Variants in GOLGA4 observed in about 807,000 individuals in gnomAD.
The protein encoded by GOLGA4 is golgin A4.
A neutral mutation model predicts 265.9 loss-of-function variants in GOLGA4; 169 were observed. That is an observed-to-expected ratio of 0.64 (90% CI 0.56 to 0.72). The LOEUF is 0.72. Among genes scored for constraint, GOLGA4 ranks in the 30% least tolerant of loss-of-function variants. GOLGA4 has a pLI of 0.00. For missense variants in GOLGA4, 2,482 were observed against 2,483.4 expected (o/e 1.00, Z 0.01); for synonymous variants, 923 against 855.8 (o/e 1.08, Z -1.37).
In GOLGA4 at chr3:37,363,066, G is replaced by A. The variant is rs112366359; in HGVS notation, c.*33+1761G>A. ...CAAAGTGCTGGGATTACAGGCGTGA[G>A]CCACTGTGCCTGGCCCTCTAAGCTT... On this transcript the variant is annotated intron_variant, in intron 23 of 23. Coordinates refer to ENST00000361924, the MANE Select transcript of GOLGA4 (RefSeq NM_002078.5). Among the ~76,000 whole-genome samples the A allele has an allele frequency of 2.9e-3, 438 of 152,200 alleles. 5 individuals are homozygous for A. Among genetic ancestry groups the A allele is most frequent in the African/African-American group, 9.6e-3 (400 of 41,526 alleles).
At chr3:37,337,565 A>C in intron 18 of GOLGA4, 101 bp from the exon 19 acceptor site, 1 of 761,166 alleles carries the variant, frequency 1.3e-6, no homozygotes, top group South Asian at 1.5e-5. Context: ...TTATAAGTTA[A>C]AACTTAAAAA....
chr3:37,355,164 G>T lies in GOLGA4; in HGVS notation c.6640G>T (p.Glu2214Ter). ...FPDDQTQKIL[E>*]REDARLMFTS... ...TGATGATCAGACTCAGAAAATTTTGGAAAGAGAAGATGCTCGGCTGATGGT... is the reference window on the plus strand; with the variant it reads ...TGATGATCAGACTCAGAAAATTTTGTAAAGAGAAGATGCTCGGCTGATGGT... The change falls in exon 22 of 24, where the codon GAA becomes TAA. Residue 2214 changes from glutamate to a stop codon, truncating the protein, a stop_gained. Coordinates refer to ENST00000361924, the MANE Select transcript of GOLGA4 (RefSeq NM_002078.5). LOFTEE classifies it high-confidence loss of function. 6.2e-7 allele frequency: 1 copy of T among 1,600,688 alleles called. No individual in the cohort carries two copies. Among genetic ancestry groups the T allele is most frequent in the Non-Finnish European group, 8.6e-7 (1 of 1,168,050 alleles).
At chr3:37,253,744 C>G (rs889912177) in intron 2 of GOLGA4, among the ~76,000 whole-genome samples, 1 of 151,812 alleles carries the variant, frequency 6.6e-6, no homozygotes, top group African/African-American at 2.4e-5. Context: ...AGCAGTCAGC[C>G]GGGCATGGTG....
At chr3:37,270,384 A>C (rs1272035039) in intron 2 of GOLGA4, among the ~76,000 whole-genome samples, 2 of 149,328 alleles carry the variant, frequency 1.3e-5, no homozygotes, top group Admixed American at 1.3e-4. Flanking sequence ...AGAAAATATA[A>C]TTTTTATATT....
intron 7 of GOLGA4, 134 bp downstream of exon 7, chr3:37,296,353 C>A: frequency 1.3e-6 from 1 of 772,348 alleles, no homozygotes; most frequent in Non-Finnish European, 2.1e-6. Flanking sequence ...TGAGACCAGC[C>A]TGGGCAACAT....
intron 11 of GOLGA4, among the ~76,000 whole-genome samples, chr3:37,317,239 G>A (rs1258238779): frequency 1.3e-5 from 2 of 151,940 alleles, no homozygotes; most frequent in East Asian, 1.9e-4. Flanking sequence ...TTGTGATCTC[G>A]GTTCACTGCA....
intron 1 of GOLGA4, among the ~76,000 whole-genome samples, chr3:37,245,051 A>G (rs1016733902): frequency 1.3e-5 from 2 of 152,200 alleles, no homozygotes; most frequent in Non-Finnish European, 2.9e-5. Context: ...TGTATTAAAG[A>G]TTTAGCTCTA....
At position 37,321,884 on chromosome 3, in the gene GOLGA4, A is replaced by G; in HGVS notation, c.1699A>G (p.Thr567Ala). The G allele has an allele frequency of 1.3e-6, 2 of 1,589,594 alleles. No homozygotes were observed. Among genetic ancestry groups the G allele is most frequent in the Non-Finnish European group, 1.7e-6 (2 of 1,171,584 alleles). The change falls in exon 13 of 24, where the codon ACT (threonine) becomes GCT (alanine). Residue 567 changes from threonine (T) to alanine (A), a missense_variant and splice_region_variant. Coordinates refer to ENST00000361924, the MANE Select transcript of GOLGA4 (RefSeq NM_002078.5). ...DLQQEAETYR[T>A]RILELESSLE... is the part of the protein sequence containing the mutation. ...TCAGCAAGAAGCAGAGACTTACAGA[A>G]CTGTAAGTTTTAATAATATTCAGAT...
chr3:37,338,639 AT>A (rs1258995285), intron 19 of GOLGA4, among the ~76,000 whole-genome samples: 2 of 152,106 alleles, frequency 1.3e-5, no homozygotes, highest in Non-Finnish European at 2.9e-5. Flanking sequence ...GTTCATTGAC[AT>A]TTAGTTCATT....
chr3:37,255,249 C>G (rs1468343330), intron 2 of GOLGA4, among the ~76,000 whole-genome samples: 1 of 152,082 alleles, frequency 6.6e-6, no homozygotes, highest in Admixed American at 6.5e-5. Flanking sequence ...CAACCTCCAC[C>G]TCCCGGGTTC....
At chr3:37,335,776 C>G (rs1460586049) in intron 17 of GOLGA4, among the ~76,000 whole-genome samples, 1 of 149,028 alleles carries the variant, frequency 6.7e-6, no homozygotes, top group Non-Finnish European at 1.5e-5. Flanking sequence ...TTTTTAAGTC[C>G]TAATCCTTAA....
chr3:37,305,481 G>A (rs1310309598), intron 10 of GOLGA4, among the ~76,000 whole-genome samples: 5 of 152,098 alleles, frequency 3.3e-5, no homozygotes, highest in Non-Finnish European at 7.4e-5. Flanking sequence ...GTGATTCTTA[G>A]TTCAAATGTA....
At chr3:37,354,216 C>G (rs968698747) in intron 21 of GOLGA4, among the ~76,000 whole-genome samples, 2 of 152,020 alleles carry the variant, frequency 1.3e-5, no homozygotes, top group Non-Finnish European at 2.9e-5. Flanking sequence ...CTTCTCCCTT[C>G]CCCCATATGC....
Position 37,327,293 on chromosome 3 carries a change from GA to G in GOLGA4, c.5414del (p.Asn1805ThrfsTer6). The G allele has an allele frequency of 3.7e-6, 6 of 1,613,402 alleles. No individual in the cohort carries two copies. The highest frequency in any genetic ancestry group is 5.1e-6 in the Non-Finnish European group (6 of 1,179,638). ...MIGHLQEELE[E>X]KNKKYSLIVA... ...AGGTCATCTTCAAGAGGAGCTTGAAGAAAAAAACAAGAAATATTCCTTGATA... is the reference window on the plus strand; with the variant it reads ...AGGTCATCTTCAAGAGGAGCTTGAAGAAAAAACAAGAAATATTCCTTGATA... On this transcript the variant is annotated frameshift_variant, in exon 14 of 24. Transcript: ENST00000361924. LOFTEE classifies it high-confidence loss of function.
At chr3:37,286,155 T>TTA (rs2096848566) in intron 4 of GOLGA4, 94 bp downstream of exon 4, 1 of 659,664 alleles carries the variant, frequency 1.5e-6, no homozygotes, top group Non-Finnish European at 2.5e-6. Context: ...TTTTTTTTTT[T>TTA]TTTTTTTTTG....
chr3:37,335,125 C>G lies in GOLGA4; in HGVS notation c.6265C>G (p.Gln2089Glu), dbSNP rs536911592. The G allele has an allele frequency of 3.3e-5, 53 of 1,606,640 alleles. No homozygotes were observed. Among genetic ancestry groups the G allele is most frequent in the Non-Finnish European group, 4.1e-5 (48 of 1,175,428 alleles). Residue 2089 changes from glutamine to glutamate, a missense_variant, in exon 17 of 24, where the codon CAG (glutamine) becomes GAG (glutamate). Physicochemically the swap from Gln to Glu is conservative, Grantham distance 29 (BLOSUM62 2). Transcript: ENST00000361924. ...TQLEELQKKY[Q>E]QKLEQEENPG... ...ACTTGAGGAGCTGCAGAAGAAATAC[C>G]AGCAAAAGCTAGAGCAGGAGGAGAA...
At chr3:37,262,201 A>G (rs554268446) in intron 2 of GOLGA4, among the ~76,000 whole-genome samples, 1 of 152,334 alleles carries the variant, frequency 6.6e-6, no homozygotes, top group African/African-American at 2.4e-5. Context: ...ACGAAAAATA[A>G]CTAATTAGAA....
rs1328194267 is a variant in GOLGA4, at chr3:37,273,002, G to A, written c.163-8956G>A. 2.6e-5 allele frequency among the ~76,000 whole-genome samples: 4 copies of A among 152,140 alleles called. No homozygotes were observed. In the East Asian group the frequency reaches 5.8e-4, roughly 22 times the overall value. ...ACAGAACAAAACAAAAATCTTTCGC[G>A]TGTGGAAGAAGAGGTTTTTAAGTTC... is the stretch of plus-strand genomic sequence containing the variant. On this transcript the variant is annotated intron_variant, in intron 2 of 23. Coordinates refer to ENST00000361924, the MANE Select transcript of GOLGA4 (RefSeq NM_002078.5).
At chr3:37,364,086 T>A (rs1696555807) in intron 23 of GOLGA4, among the ~76,000 whole-genome samples, 1 of 152,146 alleles carries the variant, frequency 6.6e-6, no homozygotes, top group Non-Finnish European at 1.5e-5. Context: ...AGTGAAATAT[T>A]TGTTCATTTA....
Sources: allele counts gnomAD v4.1 joint callset (sites outside exome capture counted in the v4.1 genomes callset), GRCh38; gene constraint gnomAD v4.1.1; transcripts MANE v1.5; gene names NCBI Gene and HGNC (gene_info 2026-07-23, HGNC 2026-07-21).